Variants in PRAMEF33 observed in about 807,000 individuals in gnomAD.
PRAMEF33 encodes the protein PRAME family member 10-like.
In PRAMEF33, 5 loss-of-function variants were observed where a neutral mutation model predicts 28.1. That is an observed-to-expected ratio of 0.18 (90% CI 0.09 to 0.37). The LOEUF (loss-of-function observed/expected upper bound fraction) is 0.37, where lower values mean the gene tolerates loss of function less well. PRAMEF33 is among the 10% of genes least tolerant of loss of function. PRAMEF33 has a pLI of 1.00. For synonymous variants in PRAMEF33, 28 were observed against 183.2 expected (o/e 0.15, Z 6.84); for missense variants, 62 against 471.1 (o/e 0.13, Z 8.04).
intron 1 of PRAMEF33, chr1:13,304,261 G>GAT (rs1639836437): frequency 6.7e-6 from 1 of 148,358 alleles, no homozygotes; most frequent in Non-Finnish European, 1.5e-5. Context: ...TAATTAGCCG[G>GAT]GCATGGTAGC....
chr1:13,306,970 T>C lies in PRAMEF33; in HGVS notation c.620T>C (p.Ile207Thr). ...NLLERIYPDS[I>T]QELEVWKKCS... ...TTGGAAAGGATATACCCAGACAGTA[T>C]CCAGGAGTTGGAAGTCTGGAAAAAG... The change falls in exon 3 of 4, where the codon ATC (isoleucine) becomes ACC (threonine). Residue 207 changes from isoleucine to threonine, a missense_variant. Coordinates refer to ENST00000437300, the MANE Select transcript of PRAMEF33 (RefSeq NM_001291381.1). The C allele has an allele frequency of 1.4e-6, 1 of 727,042 alleles. No homozygotes were observed. The highest frequency in any genetic ancestry group is 2.1e-6 in the Non-Finnish European group (1 of 473,730). The allele number at this position is 727,042 out of a possible 1,614,324, so 45.0% of individuals were successfully genotyped here.
Position 13,306,813 on chromosome 1 carries a change from C to T in PRAMEF33, c.463C>T (p.Leu155=). Reference sequence around the variant, plus strand: ...CTTGAAGGTGTTCATAGACCTCTGCCTAAAGGAAAGTACACTGGATGAATG... The same window carrying T: ...CTTGAAGGTGTTCATAGACCTCTGCTTAAAGGAAAGTACACTGGATGAATG... ...QPLKVFIDLC[L]KESTLDECLS... The change falls in exon 3 of 4, where the codon CTA becomes TTA. Residue 155 remains leucine, a synonymous_variant. Transcript: ENST00000437300. The T allele has an allele frequency of 1.4e-6, 2 of 1,400,646 alleles. 1 individual carries two copies. Among genetic ancestry groups the T allele is most frequent in the African/African-American group, 3.2e-5 (2 of 61,644 alleles). The allele number at this position is 1,400,646 out of a possible 1,614,324, so 86.8% of individuals were successfully genotyped here.
At position 13,308,831 on chromosome 1, in the gene PRAMEF33, T is replaced by G; in HGVS notation, c.1369T>G (p.Cys457Gly). 1.9e-6 allele frequency: 3 copies of G among 1,604,354 alleles called. No homozygotes were observed. Among genetic ancestry groups the G allele is most frequent in the Non-Finnish European group, 2.6e-6 (3 of 1,176,026 alleles). Residue 457 changes from cysteine (C) to glycine (G), a missense_variant, in exon 4 of 4, where the codon TGC becomes GGC. Physicochemically the swap from Cys to Gly is radical, Grantham distance 159. Transcript: ENST00000437300. ...GAGGATCTTCTTTGGTCCCGTCCCT[T>G]GCCCTACCTGTGGCTCATGGCCATC... ...PKRIFFGPVP[C>G]PTCGSWPSEK...
chr1:13,304,647 G>GCCA (rs1639841579), intron 1 of PRAMEF33: 21 of 56,610 alleles, frequency 3.7e-4, no homozygotes, highest in Admixed American at 7.7e-4. Flanking sequence ...ACCCCGACAC[G>GCCA]AAAAAAATTA....
In PRAMEF33 at chr1:13,308,539, T is replaced by C; in HGVS notation, c.1077T>C (p.Cys359=). The change falls in exon 4 of 4, where the codon TGT becomes TGC. Residue 359 remains cysteine (C), a synonymous_variant. Transcript: ENST00000437300. The part of the protein sequence containing the change: ...ATLKTLVLKD[C]RIQDPQLRVL... ...TCAAGACCCTCGTCTTAAAGGACTG[T>C]CGGATCCAGGACCCCCAACTCAGGG... 3 of 836,274 alleles carry C rather than the reference T, an allele frequency of 3.6e-6. No individual in the cohort carries two copies. The South Asian group carries it at 4.3e-5, about 12-fold the overall frequency. 51.8% of individuals were successfully genotyped at this position (836,274 alleles called of 1,614,324 possible). A position where few individuals can be genotyped will look rare whatever the true frequency, so the allele number is the denominator to read the frequency against.
intron 3 of PRAMEF33, 103 bp from the exon 4 acceptor site, chr1:13,308,225 GC>G (rs1639891134): frequency 3.2e-6 from 2 of 623,686 alleles, no homozygotes; most frequent in Non-Finnish European, 5.9e-6. Context: ...GTAGTAAGGT[GC>G]AGAATTACTC....
At chr1:13,308,161 C>G (rs1639889979) in intron 3 of PRAMEF33, 168 bp from the exon 4 acceptor site, 1 of 614,218 alleles carries the variant, frequency 1.6e-6, no homozygotes, top group African/African-American at 1.8e-5. Context: ...TGGGAACAAA[C>G]TTGTGTTTGG....
At position 13,308,894 on chromosome 1, in the gene PRAMEF33, C is replaced by G. The variant is rs1639904288; in HGVS notation, c.*7C>G. 6.2e-7 allele frequency: 1 copy of G among 1,603,254 alleles called. No individual in the cohort carries two copies. Among genetic ancestry groups the G allele is most frequent in the Non-Finnish European group, 8.5e-7 (1 of 1,175,118 alleles). ...CTTCCATCTTTGCTCCTAGGGAAGG[C>G]CTGGTTCGTGGGATGGATAAGCTTT... On this transcript the variant is annotated 3_prime_UTR_variant, in exon 4 of 4. Coordinates refer to ENST00000437300, the MANE Select transcript of PRAMEF33 (RefSeq NM_001291381.1).
At position 13,306,989 on chromosome 1, in the gene PRAMEF33, GA is replaced by G. The variant is rs1252636546; in HGVS notation, c.644del (p.Lys215SerfsTer14). On this transcript the variant is annotated frameshift_variant, in exon 3 of 4. Transcript: ENST00000437300. LOFTEE classifies it high-confidence loss of function. ...ACAGTATCCAGGAGTTGGAAGTCTG[GA>G]AAAAGTGCTCTCTCAATAAAACGGG... ...PDSIQELEVW[K>X]KCSLNKTGKF... 1 of 670,734 alleles carries G rather than the reference GA, an allele frequency of 1.5e-6. No homozygotes were observed. The highest frequency in any genetic ancestry group is 2.3e-6 in the Non-Finnish European group (1 of 430,944). The allele number at this position is 670,734 out of a possible 1,614,324, so 41.5% of individuals were successfully genotyped here. A position where few individuals can be genotyped will look rare whatever the true frequency, so the allele number is the denominator to read the frequency against.
intron 2 of PRAMEF33, 43 bp from the exon 3 acceptor site, chr1:13,306,595 G>A: frequency 1.1e-6 from 1 of 902,552 alleles, no homozygotes; most frequent in East Asian, 2.5e-5. Flanking sequence ...TCAGGGGTGG[G>A]TCCTTGCCTA....
In PRAMEF33 at chr1:13,308,856, C is replaced by T. The variant is rs1223870047; in HGVS notation, c.1394C>T (p.Ser465Phe). 5.9e-4 allele frequency: 940 copies of T among 1,605,040 alleles called. 37 individuals are homozygous for T. Among genetic ancestry groups the T allele is most frequent in the Non-Finnish European group, 7.3e-4 (853 of 1,176,318 alleles). ...TGCCCTACCTGTGGCTCATGGCCAT[C>T]TGAGAAAGTGGACTTCCATCTTTGC... ...VPCPTCGSWP[S>F]EKVDFHLCS Residue 465 changes from serine to phenylalanine, a missense_variant, in exon 4 of 4, where the codon TCT becomes TTT. By Grantham distance (155) the Ser-to-Phe change is radical. Coordinates refer to ENST00000437300, the MANE Select transcript of PRAMEF33 (RefSeq NM_001291381.1).
chr1:13,308,853 C>T lies in PRAMEF33; in HGVS notation c.1391C>T (p.Pro464Leu). The change falls in exon 4 of 4, where the codon CCA becomes CTA. Residue 464 changes from proline (P) to leucine (L), a missense_variant. Pro to Leu is a moderately conservative substitution (Grantham distance 98). Transcript: ENST00000437300. ...CCTTGCCCTACCTGTGGCTCATGGC[C>T]ATCTGAGAAAGTGGACTTCCATCTT... ...PVPCPTCGSW[P>L]SEKVDFHLCS 3.1e-6 allele frequency: 5 copies of T among 1,605,048 alleles called. No individual in the cohort carries two copies. The highest frequency in any genetic ancestry group is 4.3e-6 in the Non-Finnish European group (5 of 1,176,280).
intron 3 of PRAMEF33, chr1:13,307,985 T>G (rs1290793284): frequency 3.9e-6 from 1 of 258,102 alleles, no homozygotes; most frequent in Non-Finnish European, 7.9e-6. Context: ...GAAAGATAAT[T>G]GATATCAGAA....
At position 13,308,236 on chromosome 1, in the gene PRAMEF33, CA is replaced by C. The variant is rs1264434273; in HGVS notation, c.867-91del. 4.2e-5 allele frequency: 26 copies of C among 617,048 alleles called. No homozygotes were observed. In the Admixed American group the frequency reaches 6.2e-4, roughly 15 times the overall value. The allele number at this position is 617,048 out of a possible 1,614,324, so 38.2% of individuals were successfully genotyped here. A position where few individuals can be genotyped will look rare whatever the true frequency, so the allele number is the denominator to read the frequency against. On this transcript the variant is annotated intron_variant, in intron 3 of 3. Coordinates refer to ENST00000437300, the MANE Select transcript of PRAMEF33 (RefSeq NM_001291381.1). The stretch of plus-strand genomic sequence containing the variant: ...TGTGGTAGTAAGGTGCAGAATTACT[CA>C]ATGCCCACTTCAAGTTTACCATTGA...
In PRAMEF33 at chr1:13,308,845, C is replaced by T. The variant is rs1166864654; in HGVS notation, c.1383C>T (p.Gly461=). The T allele has an allele frequency of 2.7e-5, 43 of 1,605,068 alleles. 1 individual carries two copies. The South Asian group carries it at 4.3e-4, about 16-fold the overall frequency. The part of the protein sequence containing the change: ...FFGPVPCPTC[G]SWPSEKVDFH... ...GTCCCGTCCCTTGCCCTACCTGTGG[C>T]TCATGGCCATCTGAGAAAGTGGACT... The change falls in exon 4 of 4, where the codon GGC becomes GGT. Residue 461 remains glycine (G), a synonymous_variant. Coordinates refer to ENST00000437300, the MANE Select transcript of PRAMEF33 (RefSeq NM_001291381.1).
At chr1:13,304,245 A>AT (rs1639836127) in intron 1 of PRAMEF33, 1 of 149,300 alleles carries the variant, frequency 6.7e-6, no homozygotes, top group Non-Finnish European at 1.5e-5. Flanking sequence ...AAATATACAT[A>AT]TTTTTTAATT....
Position 13,308,777 on chromosome 1 carries a change from C to T in PRAMEF33, c.1315C>T (p.Arg439Cys), listed in dbSNP as rs1306857167. Residue 439 changes from arginine (R) to cysteine (C), a missense_variant, in exon 4 of 4, where the codon CGT becomes TGT. Coordinates refer to ENST00000437300, the MANE Select transcript of PRAMEF33 (RefSeq NM_001291381.1). ...CACCCCAATTCGGGCTGAGCTGATG[C>T]GTACACTCAGGGAAGTCAGGCAGCC... ...ILTPIRAELM[R>C]TLREVRQPKR... is the part of the protein sequence containing the mutation. The T allele has an allele frequency of 1.7e-4, 273 of 1,596,036 alleles. 4 individuals carry two copies. In the East Asian group the frequency reaches 3.0e-3, roughly 17 times the overall value.
chr1:13,305,531 C>T (rs1231234517), intron 1 of PRAMEF33: 4 of 179,000 alleles, frequency 2.2e-5, no homozygotes, highest in Admixed American at 2.2e-4. Flanking sequence ...GAGGCCAAGG[C>T]GGGTGGAATG....
At chr1:13,305,532 G>T in intron 1 of PRAMEF33, 1 of 179,252 alleles carries the variant, frequency 5.6e-6, no homozygotes, top group South Asian at 1.1e-4. Flanking sequence ...AGGCCAAGGC[G>T]GGTGGAATGT....
Sources: allele counts gnomAD v4.1 joint callset, GRCh38; gene constraint gnomAD v4.1.1; transcripts MANE v1.5; gene names NCBI Gene and HGNC (gene_info 2026-07-23, HGNC 2026-07-21).